Variants in SV2C observed in about 807,000 individuals in gnomAD.
SV2C encodes the protein synaptic vesicle glycoprotein 2C.
A neutral mutation model predicts 79.7 loss-of-function variants in SV2C; 49 were observed. That is an observed-to-expected ratio of 0.61 (90% CI 0.49 to 0.78). The LOEUF (loss-of-function observed/expected upper bound fraction) is 0.78. SV2C is among the 30% of genes least tolerant of loss of function. SV2C has a pLI of 0.00. For missense variants in SV2C, 833 were observed against 912.9 expected (o/e 0.91, Z 1.13); for synonymous variants, 334 against 333.2 (o/e 1.00, Z -0.03).
intron 4 of SV2C, among the ~76,000 whole-genome samples, chr5:76,212,629 C>T (rs900528882): frequency 1.3e-5 from 2 of 152,190 alleles, no homozygotes; most frequent in Non-Finnish European, 2.9e-5. Context: ...CCTCCCTTCC[C>T]ATCATATCGC....
At chr5:75,876,709 A>G in the SV2C span, among the ~76,000 whole-genome samples, 2 of 152,136 alleles carry the variant, frequency 1.3e-5, no homozygotes, top group African/African-American at 4.8e-5. Context: ...GCTATGTAGG[A>G]GTAATGTGTC....
At chr5:75,927,931 T>C in the SV2C span, among the ~76,000 whole-genome samples, 2 of 152,232 alleles carry the variant, frequency 1.3e-5, no homozygotes, top group Non-Finnish European at 2.9e-5. Flanking sequence ...GTGGTAGCCC[T>C]ACAGGAATTC....
At chr5:75,978,931 G>A in the SV2C span, among the ~76,000 whole-genome samples, 1 of 151,948 alleles carries the variant, frequency 6.6e-6, no homozygotes, top group Non-Finnish European at 1.5e-5. Flanking sequence ...GCAGTGGGCT[G>A]AGGTCATGCC....
chr5:76,114,787 G>T (rs1489834555), intron 1 of SV2C, among the ~76,000 whole-genome samples: 5 of 152,224 alleles, frequency 3.3e-5, no homozygotes, highest in Admixed American at 6.5e-5. Context: ...CTAGGGAAAG[G>T]CATGACCAAC....
chr5:75,878,216 T>C, the SV2C span, among the ~76,000 whole-genome samples: 1 of 152,144 alleles, frequency 6.6e-6, no homozygotes, highest in Non-Finnish European at 1.5e-5. Flanking sequence ...AATACCAATA[T>C]CTAAGTTTCG....
chr5:75,956,546 A>AAAT, the SV2C span, among the ~76,000 whole-genome samples: 853 of 151,890 alleles, frequency 5.6e-3, 12 homozygotes, highest in African/African-American at 0.02. Flanking sequence ...TAAAGTATAA[A>AAAT]AATAATAATA....
chr5:76,291,379 G>C, intron 7 of SV2C, 48 bp downstream of exon 7: 1 of 1,485,814 alleles, frequency 6.7e-7, no homozygotes. Context: ...TATTGCATTT[G>C]AGGTTAGTCA....
chr5:76,126,998 G>A (rs927668790), intron 1 of SV2C, among the ~76,000 whole-genome samples: 3 of 152,104 alleles, frequency 2.0e-5, no homozygotes, highest in African/African-American at 7.2e-5. Flanking sequence ...ACATAATAAC[G>A]GATTAGCCAT....
intron 1 of SV2C, among the ~76,000 whole-genome samples, chr5:76,094,731 G>A (rs1334292800): frequency 6.6e-6 from 1 of 152,058 alleles, no homozygotes; most frequent in African/African-American, 2.4e-5. Flanking sequence ...CACACCTTCT[G>A]TATATCTTCT....
At chr5:76,014,667 C>T in the SV2C span, among the ~76,000 whole-genome samples, 1 of 152,262 alleles carries the variant, frequency 6.6e-6, no homozygotes, top group East Asian at 1.9e-4. Flanking sequence ...TGCGCACACA[C>T]ATGCATGGAC....
chr5:76,090,728 GA>G (rs1332815292), intron 1 of SV2C, among the ~76,000 whole-genome samples: 2 of 152,200 alleles, frequency 1.3e-5, no homozygotes, highest in Non-Finnish European at 2.9e-5. Context: ...TGATTTCTAA[GA>G]TGCTATCTCT....
chr5:76,295,764 C>A lies in SV2C; in HGVS notation c.1338-14C>A. Reference sequence around the variant, plus strand: ...CTAGTGCCTTTACAAACTCACATTTCTTTGTCTTTGCAGGTACTATGGATT... The same window carrying A: ...CTAGTGCCTTTACAAACTCACATTTATTTGTCTTTGCAGGTACTATGGATT... On this transcript the variant is annotated splice_polypyrimidine_tract_variant and intron_variant, in intron 8 of 12. Coordinates refer to ENST00000502798, the MANE Select transcript of SV2C (RefSeq NM_014979.4). 1 of 1,597,806 alleles carries A rather than the reference C, an allele frequency of 6.3e-7. No homozygotes were observed. The highest frequency in any genetic ancestry group is 8.5e-7 in the Non-Finnish European group (1 of 1,175,084).
the SV2C span, among the ~76,000 whole-genome samples, chr5:76,052,023 G>T: frequency 2.6e-5 from 4 of 152,110 alleles, no homozygotes; most frequent in African/African-American, 7.2e-5. Context: ...TCAGCATGTG[G>T]AGCCTGCATG....
At chr5:76,081,470 C>T (rs1427030343), upstream of SV2C, among the ~76,000 whole-genome samples, 2 of 152,052 alleles carry the variant, frequency 1.3e-5, no homozygotes, top group Non-Finnish European at 2.9e-5. Flanking sequence ...TAGGCACTTC[C>T]TTGTCATAGT....
intron 1 of SV2C, among the ~76,000 whole-genome samples, chr5:76,102,070 A>G (rs977070586): frequency 2.0e-5 from 3 of 152,176 alleles, no homozygotes; most frequent in African/African-American, 7.2e-5. Context: ...TCTTCATACC[A>G]TTATCCTACC....
chr5:76,042,915 A>G, the SV2C span, among the ~76,000 whole-genome samples: 5 of 152,212 alleles, frequency 3.3e-5, no homozygotes, highest in African/African-American at 1.2e-4. Context: ...GACCTTGCCA[A>G]GAAATGAGGT....
At chr5:76,152,340 A>G (rs972299910) in intron 2 of SV2C, among the ~76,000 whole-genome samples, 1 of 152,210 alleles carries the variant, frequency 6.6e-6, no homozygotes, top group Non-Finnish European at 1.5e-5. Flanking sequence ...TATACTATAG[A>G]CTAGAGCAGC....
At chr5:75,952,181 A>T in the SV2C span, among the ~76,000 whole-genome samples, 3 of 152,112 alleles carry the variant, frequency 2.0e-5, no homozygotes, top group Non-Finnish European at 2.9e-5. Context: ...GATCAAAAAA[A>T]TCATGACATT....
intron 4 of SV2C, among the ~76,000 whole-genome samples, chr5:76,220,896 C>A (rs1413465276): frequency 6.6e-6 from 1 of 152,112 alleles, no homozygotes; most frequent in Non-Finnish European, 1.5e-5. Flanking sequence ...CAGAAAGAAT[C>A]TTCCTGGAAG....
Sources: gnomAD v4.1 joint callset for allele counts (sites outside exome capture counted in the v4.1 genomes callset) on GRCh38, gnomAD v4.1.1 for gene constraint, MANE v1.5 for transcripts, NCBI Gene and HGNC (gene_info 2026-07-23, HGNC 2026-07-21) for gene names.